Variants in GBE1 observed in about 807,000 individuals in gnomAD.
GBE1 encodes the protein 1,4-alpha-glucan-branching enzyme.
In GBE1, 70 loss-of-function variants were observed where a neutral mutation model predicts 88.8. The observed-to-expected ratio is 0.79, with a 90% CI of 0.65 to 0.96. The LOEUF (loss-of-function observed/expected upper bound fraction) is 0.96, where lower values mean the gene tolerates loss of function less well. Among genes scored for constraint, GBE1 ranks in the 40% least tolerant of loss-of-function variants. The pLI, the probability that GBE1 is intolerant of heterozygous loss-of-function variation, is 0.00. For synonymous variants in GBE1, 284 were observed against 300.1 expected, an observed-to-expected ratio of 0.95 and a Z score of 0.56; for missense variants, 872 against 871.0, an observed-to-expected ratio of 1.00 and a Z score of -0.01.
intron 12 of GBE1, among the ~76,000 whole-genome samples, chr3:81,540,761 T>C (rs13066091): frequency 0.34 from 51,143 of 151,862 alleles, 9,042 homozygotes; most frequent in East Asian, 0.48. Flanking sequence ...ATGAAAATAA[T>C]GTTGTTACAA....
At chr3:81,592,769 G>A (rs1472227778) in intron 8 of GBE1, among the ~76,000 whole-genome samples, 3 of 151,986 alleles carry the variant, frequency 2.0e-5, no homozygotes, top group Admixed American at 6.5e-5. Flanking sequence ...GCAGGGGCAC[G>A]TAGGTGTTTA....
At chr3:81,759,473 C>T (rs1706647994) in intron 1 of GBE1, among the ~76,000 whole-genome samples, 1 of 152,206 alleles carries the variant, frequency 6.6e-6, no homozygotes, top group South Asian at 2.1e-4. Flanking sequence ...GAAAATTGGA[C>T]AAGGAACTAA....
At chr3:81,588,896 C>T (rs150010485) in intron 9 of GBE1, among the ~76,000 whole-genome samples, 2 of 152,104 alleles carry the variant, frequency 1.3e-5, no homozygotes, top group Non-Finnish European at 2.9e-5. Context: ...CTAGACTAAA[C>T]CCCTGGTGAT....
At chr3:81,492,706 T>TTTCTC (rs1702453060) in intron 15 of GBE1, among the ~76,000 whole-genome samples, 3 of 121,046 alleles carry the variant, frequency 2.5e-5, no homozygotes, top group African/African-American at 3.4e-5. Context: ...CTCCCTTTCT[T>TTTCTC]CCTTTCCTTC....
At chr3:81,542,611 T>G (rs544584605) in intron 12 of GBE1, among the ~76,000 whole-genome samples, 51 of 152,076 alleles carry the variant, frequency 3.4e-4, no homozygotes, top group Admixed American at 1.6e-3. Context: ...CTAAGATACA[T>G]CAATTTAAAA....
intron 1 of GBE1, among the ~76,000 whole-genome samples, chr3:81,737,730 A>G (rs900429831): frequency 3.6e-5 from 4 of 110,624 alleles, no homozygotes; most frequent in African/African-American, 1.8e-4. Context: ...GTAGATTAAA[A>G]ATGTGTGTTT....
At chr3:81,497,695 A>G (rs1275237101) in intron 15 of GBE1, among the ~76,000 whole-genome samples, 1 of 152,118 alleles carries the variant, frequency 6.6e-6, no homozygotes, top group African/African-American at 2.4e-5. Flanking sequence ...TTGCTGTCTG[A>G]GTCTTTCCAA....
chr3:81,538,787 G>A (rs560715149), intron 12 of GBE1, among the ~76,000 whole-genome samples: 1 of 152,006 alleles, frequency 6.6e-6, no homozygotes, highest in Non-Finnish European at 1.5e-5. Context: ...ACTAGTGGAT[G>A]ATTTACAAGA....
chr3:81,616,888 A>T (rs964598716), intron 7 of GBE1, among the ~76,000 whole-genome samples: 1 of 152,032 alleles, frequency 6.6e-6, no homozygotes, highest in Non-Finnish European at 1.5e-5. Flanking sequence ...TTTTCATTAT[A>T]CATTCCTGTA....
Position 81,761,364 on chromosome 3 carries a change from T to G in GBE1, c.143+11A>C, listed in dbSNP as rs145918282. 1,478 of 1,602,482 alleles carry G rather than the reference T, an allele frequency of 9.2e-4. 7 individuals are homozygous for G. The African/African-American group carries it at 0.019, about 20-fold the overall frequency. ...CCTGTCTAAGTGGGGGTGGTGGGATTCCGGCGGTACCTGCGCTGGAAGTCC... is the reference window on the plus strand; with the variant it reads ...CCTGTCTAAGTGGGGGTGGTGGGATGCCGGCGGTACCTGCGCTGGAAGTCC... On this transcript the variant is annotated intron_variant, in intron 1 of 15. Coordinates refer to ENST00000429644, the MANE Select transcript of GBE1 (RefSeq NM_000158.4).
At chr3:81,723,623 T>C (rs1706068238) in intron 1 of GBE1, among the ~76,000 whole-genome samples, 1 of 152,132 alleles carries the variant, frequency 6.6e-6, no homozygotes, top group Non-Finnish European at 1.5e-5. Context: ...AATACCTATT[T>C]TCCTTCTTTC....
intron 3 of GBE1, among the ~76,000 whole-genome samples, chr3:81,650,561 AT>A (rs755012499): frequency 2.0e-5 from 3 of 152,180 alleles, no homozygotes; most frequent in African/African-American, 7.2e-5. Context: ...TAACAAATTT[AT>A]TTTTTTAACT....
At chr3:81,557,337 C>T (rs185878621) in intron 12 of GBE1, among the ~76,000 whole-genome samples, 2 of 151,882 alleles carry the variant, frequency 1.3e-5, no homozygotes, top group East Asian at 1.9e-4. Context: ...GAAAAGGTCA[C>T]GAAGAATAAG....
intron 3 of GBE1, among the ~76,000 whole-genome samples, chr3:81,669,064 A>T (rs1257634413): frequency 6.6e-6 from 1 of 152,202 alleles, no homozygotes; most frequent in African/African-American, 2.4e-5. Context: ...AGAACTCGGC[A>T]GCTAAAAATC....
chr3:81,539,383 T>C (rs1266692138), intron 12 of GBE1, among the ~76,000 whole-genome samples: 1 of 151,992 alleles, frequency 6.6e-6, no homozygotes, highest in African/African-American at 2.4e-5. Context: ...GGTAAGGAGA[T>C]AAAGCAGGAT....
At chr3:81,618,622 C>T (rs182879361) in intron 7 of GBE1, among the ~76,000 whole-genome samples, 59 of 152,122 alleles carry the variant, frequency 3.9e-4, no homozygotes, top group Admixed American at 2.2e-3. Flanking sequence ...CCTCACATGC[C>T]GTTTCACCTT....
rs541668929 is a variant in GBE1, at chr3:81,642,150, A to G, written c.992+631T>C. 4.6e-5 allele frequency among the ~76,000 whole-genome samples: 7 copies of G among 151,984 alleles called. No homozygotes were observed. The East Asian group carries it at 1.4e-3, about 29-fold the overall frequency. ...CCTTAAATGGTAGAAGAGGTCAGAG[A>G]TCTGTCTGATCTTAACAAATGGTTT... is the stretch of plus-strand genomic sequence containing the variant. On this transcript the variant is annotated intron_variant, in intron 7 of 15. Transcript: ENST00000429644.
intron 1 of GBE1, among the ~76,000 whole-genome samples, chr3:81,730,708 T>C (rs1706174277): frequency 6.6e-6 from 1 of 152,094 alleles, no homozygotes; most frequent in South Asian, 2.1e-4. Context: ...AGCAACCTAA[T>C]AAAAACACAG....
At chr3:81,621,169 T>C (rs1246590672) in intron 7 of GBE1, among the ~76,000 whole-genome samples, 1 of 152,208 alleles carries the variant, frequency 6.6e-6, no homozygotes, top group Non-Finnish European at 1.5e-5. Flanking sequence ...CATGTCAAAT[T>C]TGCATTTTAG....
Sources: allele counts gnomAD v4.1 joint callset (sites outside exome capture counted in the v4.1 genomes callset), GRCh38; gene constraint gnomAD v4.1.1; transcripts MANE v1.5; gene names NCBI Gene and HGNC (gene_info 2026-07-23, HGNC 2026-07-21).